The following NTNG2 variants were observed in gnomAD, a reference collection of about 807,000 sequenced individuals.
The protein encoded by NTNG2 is netrin-G2.
NTNG2 carries 15 observed loss-of-function variants against 47.6 expected under a neutral mutation model. The observed-to-expected ratio is 0.32, with a 90% CI of 0.21 to 0.49. The LOEUF (loss-of-function observed/expected upper bound fraction) is 0.49, where lower values mean the gene tolerates loss of function less well. Ranked by LOEUF, NTNG2 falls within the 20% of genes least tolerant of loss-of-function variation. The pLI is 0.99. For missense variants in NTNG2, 578 were observed against 764.6 expected (o/e 0.76, Z 2.88); for synonymous variants, 307 against 324.6 (o/e 0.95, Z 0.58).
chr9:132,163,964 C>T lies in NTNG2; in HGVS notation c.-484+1725C>T, dbSNP rs1007264660. ...ATATCAGGTGAAGATAAATTTTCCA[C>T]GGAGAAAACGATCCTCCGGGATGCA... On this transcript the variant is annotated intron_variant, in intron 1 of 7. Coordinates refer to ENST00000393229, the MANE Select transcript of NTNG2 (RefSeq NM_032536.4). This position sits in a 1 kb window ranked among gnomAD's most constrained non-coding sequence, Gnocchi z 7.2. Among the ~76,000 whole-genome samples the T allele has an allele frequency of 1.3e-5, 2 of 152,196 alleles. No homozygotes were observed. The highest frequency in any genetic ancestry group is 1.5e-5 in the Non-Finnish European group (1 of 68,038).
intron 3 of NTNG2, among the ~76,000 whole-genome samples, chr9:132,211,943 T>G (rs758595425): frequency 3.3e-4 from 50 of 152,332 alleles, no homozygotes; most frequent in Non-Finnish European, 4.7e-4. Flanking sequence ...CAGTCAGTCA[T>G]TCATTTATTC....
chr9:132,240,761 C>A (rs569730244), intron 6 of NTNG2, 149 bp from the exon 7 acceptor site: 3 of 1,204,054 alleles, frequency 2.5e-6, no homozygotes, highest in Non-Finnish European at 3.5e-6. Flanking sequence ...CCCCACCTGC[C>A]GTCCAGCCGC....
chr9:132,216,179 G>T (rs1410175545), intron 3 of NTNG2, among the ~76,000 whole-genome samples: 1 of 152,192 alleles, frequency 6.6e-6, no homozygotes, highest in Non-Finnish European at 1.5e-5. Flanking sequence ...CCCAGCAGGT[G>T]CTCCATGCCG....
intron 3 of NTNG2, among the ~76,000 whole-genome samples, chr9:132,213,828 G>A (rs1234898057): frequency 1.3e-5 from 2 of 152,210 alleles, no homozygotes; most frequent in Non-Finnish European, 2.9e-5. Flanking sequence ...AGCTCTGCGA[G>A]GCCAGTCTCA....
At chr9:132,238,353 G>A (rs951086262) in intron 5 of NTNG2, among the ~76,000 whole-genome samples, 2 of 152,150 alleles carry the variant, frequency 1.3e-5, no homozygotes, top group Non-Finnish European at 2.9e-5. Context: ...ACCACGTAGG[G>A]GTGGGGTGCA....
rs769570116 is a variant in NTNG2 at position 132,162,569 on chromosome 9, AGTGTGTGTGTGTGTGTGT to A, written c.-484+361_-484+378del. The stretch of plus-strand genomic sequence containing the variant: ...GTGTGTGTGTGTGAGAGAGAGACAG[AGTGTGTGTGTGTGTGTGT>A]GTGTGTGTGTGTGTGTGTGTGTGTG... On this transcript the variant is annotated intron_variant, in intron 1 of 7. Coordinates refer to ENST00000393229, the MANE Select transcript of NTNG2 (RefSeq NM_032536.4). This position sits in a 1 kb window ranked among gnomAD's most constrained non-coding sequence, Gnocchi z 4.6. 0.012 allele frequency among the ~76,000 whole-genome samples: 1,324 copies of A among 112,456 alleles called. 25 individuals carry two copies. Among genetic ancestry groups the A allele is most frequent in the African/African-American group, 0.042 (1,188 of 28,306 alleles). The allele number at this position is 112,456 out of a possible 152,430, so 73.8% of individuals were successfully genotyped here.
intron 4 of NTNG2, among the ~76,000 whole-genome samples, chr9:132,229,247 A>G (rs371799440): frequency 6.2e-4 from 95 of 152,186 alleles, no homozygotes; most frequent in African/African-American, 1.7e-3. Flanking sequence ...AACAGCCCAA[A>G]GAGACACAGA....
Position 132,241,071 on chromosome 9 carries a change from G to A in NTNG2, c.1357+27G>A, listed in dbSNP as rs1841948552. 3.2e-6 allele frequency: 5 copies of A among 1,571,294 alleles called. No homozygotes were observed. In the East Asian group the frequency reaches 1.2e-4, roughly 36 times the overall value. On this transcript the variant is annotated intron_variant, in intron 7 of 7. Transcript: ENST00000393229. ...TGAGTGCGCGCCGTCCCCCGTGGGCGGGGCCTGCGGAAAGGGGACGGGGCA... is the reference window on the plus strand; with the variant it reads ...TGAGTGCGCGCCGTCCCCCGTGGGCAGGGCCTGCGGAAAGGGGACGGGGCA...
intron 3 of NTNG2, among the ~76,000 whole-genome samples, chr9:132,220,446 CTA>C (rs1267165004): frequency 1.3e-5 from 2 of 149,710 alleles, no homozygotes; most frequent in African/African-American, 4.9e-5. Context: ...AGATTTGCTG[CTA>C]TGTTTCCTTC....
Position 132,182,820 on chromosome 9 carries a change from A to C in NTNG2, c.214-15146A>C, listed in dbSNP as rs1564393178. Among the ~76,000 whole-genome samples the C allele has an allele frequency of 6.6e-6, 1 of 152,162 alleles. No individual in the cohort carries two copies. Among genetic ancestry groups the C allele is most frequent in the Non-Finnish European group, 1.5e-5 (1 of 68,018 alleles). ...GCGGGCAGGGACCAGGCTGCCCTCTAAGCCACTCGGCTGGCTCTCAGCCGG... is the reference window on the plus strand; with the variant it reads ...GCGGGCAGGGACCAGGCTGCCCTCTCAGCCACTCGGCTGGCTCTCAGCCGG... On this transcript the variant is annotated intron_variant, in intron 2 of 7. Transcript: ENST00000393229. The surrounding 1 kb of genome is among the most constrained non-coding windows in gnomAD (Gnocchi z 4.2).
At chr9:132,195,369 C>T (rs906437476) in intron 2 of NTNG2, among the ~76,000 whole-genome samples, 2 of 151,852 alleles carry the variant, frequency 1.3e-5, no homozygotes, top group Non-Finnish European at 1.5e-5. Context: ...AGCGCAGTGG[C>T]GCGATCTCGG....
At chr9:132,233,151 C>G (rs981816588) in intron 5 of NTNG2, 1 of 152,268 alleles carries the variant, frequency 6.6e-6, no homozygotes, top group African/African-American at 2.4e-5. Context: ...CACAAGGGAC[C>G]TGTGCTTTGC....
chr9:132,169,164 G>A (rs185340484), intron 2 of NTNG2, among the ~76,000 whole-genome samples: 1 of 152,246 alleles, frequency 6.6e-6, no homozygotes, highest in African/African-American at 2.4e-5. Context: ...AGGCAGGGGA[G>A]AAAGAACAGT....
At position 132,189,068 on chromosome 9, in the gene NTNG2, C is replaced by CTTTTTTTT. The variant is rs749756559; in HGVS notation, c.214-8878_214-8871dup. On this transcript the variant is annotated intron_variant, in intron 2 of 7. Transcript: ENST00000393229. ...TATGTGAAAAAGGCTTTAAGCCTTT[C>CTTTTTTTT]TTTTTTTTTTTTTTTTTTTTTTTTT... Among the ~76,000 whole-genome samples the CTTTTTTTT allele has an allele frequency of 7.4e-3, 690 of 93,224 alleles. 163 individuals carry two copies. Among genetic ancestry groups the CTTTTTTTT allele is most frequent in the African/African-American group, 0.023 (500 of 21,956 alleles). 61.2% of individuals were successfully genotyped at this position (93,224 alleles called of 152,430 possible).
chr9:132,231,577 C>T lies in NTNG2; in HGVS notation c.1054+982C>T. The T allele has an allele frequency of 3.1e-6, 1 of 317,934 alleles. No individual in the cohort carries two copies. Among genetic ancestry groups the T allele is most frequent in the South Asian group, 2.3e-5 (1 of 44,224 alleles). The allele number at this position is 317,934 out of a possible 1,614,324, so 19.7% of individuals were successfully genotyped here. A position where few individuals can be genotyped will look rare whatever the true frequency, so the allele number is the denominator to read the frequency against. ...TGGTCTGCACAGCCGTCGTAAGTTGCTTCTCTGTGGTGTCCCCACCCCGGC... is the reference window on the plus strand; with the variant it reads ...TGGTCTGCACAGCCGTCGTAAGTTGTTTCTCTGTGGTGTCCCCACCCCGGC... On this transcript the variant is annotated intron_variant, in intron 5 of 7. Coordinates refer to ENST00000393229, the MANE Select transcript of NTNG2 (RefSeq NM_032536.4). The surrounding 1 kb of genome is among the most constrained non-coding windows in gnomAD (Gnocchi z 4.1).
intron 3 of NTNG2, among the ~76,000 whole-genome samples, chr9:132,225,799 GTCCA>G (rs758922529): frequency 6.6e-6 from 1 of 152,074 alleles, no homozygotes; most frequent in Non-Finnish European, 1.5e-5. Flanking sequence ...CTTGCTCTAG[GTCCA>G]TCCTTTTTCC....
chr9:132,170,681 C>T (rs1268607666), intron 2 of NTNG2, among the ~76,000 whole-genome samples: 3 of 152,090 alleles, frequency 2.0e-5, no homozygotes, highest in East Asian at 1.9e-4. Context: ...ACTAGCCACC[C>T]GAGACTCAGG....
At chr9:132,173,343 C>T (rs906975488) in intron 2 of NTNG2, among the ~76,000 whole-genome samples, 6 of 152,152 alleles carry the variant, frequency 3.9e-5, no homozygotes, top group African/African-American at 1.4e-4. Context: ...AGACCGAGGC[C>T]CGGGGCCCAG....
rs558721331 is a variant in NTNG2 at position 132,214,333 on chromosome 9, C to T, written c.858-12516C>T. Among the ~76,000 whole-genome samples, 9 of 152,340 alleles carry T rather than the reference C, an allele frequency of 5.9e-5. No individual in the cohort carries two copies. The East Asian group carries it at 1.7e-3, about 29-fold the overall frequency. On this transcript the variant is annotated intron_variant, in intron 3 of 7. Coordinates refer to ENST00000393229, the MANE Select transcript of NTNG2 (RefSeq NM_032536.4). The stretch of plus-strand genomic sequence containing the variant: ...TCCAGATGGTGCCCCCGCAGCAGCT[C>T]CCAGGCACTGCCTGCCCCTCCCTGC...
Sources: allele counts gnomAD v4.1 joint callset (sites outside exome capture counted in the v4.1 genomes callset), GRCh38; gene constraint gnomAD v4.1.1; non-coding constraint Gnocchi (gnomAD v3.1); transcripts MANE v1.5; gene names NCBI Gene and HGNC (gene_info 2026-07-23, HGNC 2026-07-21).